CRY1: variants seen among roughly 807,000 people sequenced by gnomAD.
CRY1 encodes cryptochrome-1.
Under a neutral mutation model 76.0 loss-of-function variants are expected in CRY1, and 45 were observed. The ratio of observed to expected loss-of-function variants is 0.59; its 90% CI spans 0.47 to 0.76. The LOEUF (loss-of-function observed/expected upper bound fraction) is 0.76. Ranked by LOEUF, CRY1 falls within the 30% of genes least tolerant of loss-of-function variation. The pLI is 0.00. For missense variants in CRY1, 587 were observed against 716.4 expected, an observed-to-expected ratio of 0.82 and a Z score of 2.06; for synonymous variants, 248 against 244.0, an observed-to-expected ratio of 1.02 and a Z score of -0.15.
chr12:107,059,892 T>C (rs1953027898), intron 1 of CRY1, among the ~76,000 whole-genome samples: 2 of 152,332 alleles, frequency 1.3e-5, no homozygotes, highest in South Asian at 4.1e-4. Context: ...TTATGTGATC[T>C]CAGTGTAATT....
intron 1 of CRY1, among the ~76,000 whole-genome samples, chr12:107,079,730 A>AC (rs1953300240): frequency 6.6e-6 from 1 of 152,084 alleles, no homozygotes; most frequent in South Asian, 2.1e-4. Flanking sequence ...TCCACTTTAC[A>AC]CTTCAAGTTT....
intron 2 of CRY1, among the ~76,000 whole-genome samples, chr12:107,013,188 A>C (rs2136835777): frequency 6.6e-6 from 1 of 152,334 alleles, no homozygotes; most frequent in East Asian, 1.9e-4. Context: ...TCTTTGGTGA[A>C]AGGAAGAGTC....
intron 1 of CRY1, among the ~76,000 whole-genome samples, chr12:107,062,025 C>CAAAAAAAAAAAAAAAAAAAAAAAA (rs35683352): frequency 3.2e-5 from 3 of 93,544 alleles, no homozygotes; most frequent in South Asian, 3.5e-4. Flanking sequence ...GACCCTGTCT[C>CAAAAAAAAAAAAAAAAAAAAAAAA]AAAAAAAAAA....
At chr12:107,047,261 T>G (rs1952859871) in intron 1 of CRY1, among the ~76,000 whole-genome samples, 1 of 152,196 alleles carries the variant, frequency 6.6e-6, no homozygotes, top group Non-Finnish European at 1.5e-5. Context: ...AAGAACCCAC[T>G]TCTGAATGAC....
At chr12:107,006,292 A>G (rs192437953) in intron 2 of CRY1, among the ~76,000 whole-genome samples, 1 of 152,156 alleles carries the variant, frequency 6.6e-6, no homozygotes, top group East Asian at 1.9e-4. Flanking sequence ...AGGCTGAGGA[A>G]GTAGAATCAC....
intron 1 of CRY1, among the ~76,000 whole-genome samples, chr12:107,069,641 TAA>T (rs1293546527): frequency 1.5e-5 from 2 of 136,288 alleles, no homozygotes; most frequent in African/African-American, 2.7e-5. Context: ...AGTATATATA[TAA>T]AAAGTATATA....
chr12:107,074,365 A>G (rs1953224859), intron 1 of CRY1, among the ~76,000 whole-genome samples: 1 of 152,176 alleles, frequency 6.6e-6, no homozygotes, highest in Non-Finnish European at 1.5e-5. Flanking sequence ...GGCCTACATC[A>G]CTTAAAACAA....
At position 107,009,563 on chromosome 12, in the gene CRY1, CATATATATATATATATATATATATAT is replaced by C. The variant is rs869185018; in HGVS notation, c.268-4341_268-4316del. ...CAGAAAAAACAAAAAAACAAAAAAA[CATATATATATATATATATATATATAT>C]ATATATATATATAAAATCTCTATAT... On this transcript the variant is annotated intron_variant, in intron 2 of 12. Transcript: ENST00000008527. Among the ~76,000 whole-genome samples, 60 of 90,968 alleles carry C rather than the reference CATATATATATATATATATATATATAT, an allele frequency of 6.6e-4. 4 individuals carry two copies. Among genetic ancestry groups the C allele is most frequent in the Non-Finnish European group, 9.3e-4 (45 of 48,266 alleles). The allele number at this position is 90,968 out of a possible 152,430, so 59.7% of individuals were successfully genotyped here.
At chr12:107,056,316 TA>T (rs1952981468) in intron 1 of CRY1, among the ~76,000 whole-genome samples, 1 of 152,144 alleles carries the variant, frequency 6.6e-6, no homozygotes, top group South Asian at 2.1e-4. Flanking sequence ...AAAATATAAA[TA>T]AAAAGTAAAG....
chr12:107,001,888 G>C lies in CRY1; in HGVS notation c.471C>G (p.Ile157Met). ...GTATCTCTAGTGGTTCCATTTTGCTGATGAGAGTCTGGAATCTTTTATAAG... is the reference window on the plus strand; with the variant it reads ...GTATCTCTAGTGGTTCCATTTTGCTCATGAGAGTCTGGAATCTTTTATAAG... ...PLTYKRFQTL[I>M]SKMEPLEIPV... Residue 157 changes from isoleucine (I) to methionine (M), a missense_variant, in exon 4 of 13, where the codon ATC becomes ATG. Ile to Met is a conservative substitution (Grantham distance 10). Coordinates refer to ENST00000008527, the MANE Select transcript of CRY1 (RefSeq NM_004075.5). The C allele has an allele frequency of 6.2e-7, 1 of 1,601,766 alleles. No individual in the cohort carries two copies. The highest frequency in any genetic ancestry group is 1.3e-5 in the African/African-American group (1 of 74,138).
intron 1 of CRY1, among the ~76,000 whole-genome samples, chr12:107,088,156 T>C (rs1054510290): frequency 6.6e-6 from 1 of 152,218 alleles, no homozygotes; most frequent in Non-Finnish European, 1.5e-5. Flanking sequence ...TTATCCCCAA[T>C]GTTGGAGGTG....
chr12:107,064,099 T>C (rs1353840733), intron 1 of CRY1, among the ~76,000 whole-genome samples: 1 of 152,198 alleles, frequency 6.6e-6, no homozygotes, highest in African/African-American at 2.4e-5. Flanking sequence ...TCTGTAATTA[T>C]AGAAATATTC....
chr12:107,037,108 A>G (rs1952742431), intron 1 of CRY1, among the ~76,000 whole-genome samples: 1 of 152,218 alleles, frequency 6.6e-6, no homozygotes, highest in South Asian at 2.1e-4. Flanking sequence ...ATGTGAGCAG[A>G]AAGACACCTA....
At chr12:107,048,389 G>T (rs1427604548) in intron 1 of CRY1, among the ~76,000 whole-genome samples, 1 of 152,034 alleles carries the variant, frequency 6.6e-6, no homozygotes, top group African/African-American at 2.4e-5. Context: ...CATTCATTCA[G>T]ATTTATCCAC....
At chr12:107,010,334 T>C (rs1051622417) in intron 2 of CRY1, among the ~76,000 whole-genome samples, 4 of 152,192 alleles carry the variant, frequency 2.6e-5, no homozygotes, top group African/African-American at 9.7e-5. Flanking sequence ...CGTTTTTGGC[T>C]TTGTTGACTA....
At chr12:107,044,763 A>C (rs1201015914) in intron 1 of CRY1, among the ~76,000 whole-genome samples, 1 of 152,214 alleles carries the variant, frequency 6.6e-6, no homozygotes, top group Admixed American at 6.5e-5. Context: ...TCAGCAGCAC[A>C]CTTTGATCAA....
chr12:107,035,536 GA>G (rs1248124955), intron 1 of CRY1, among the ~76,000 whole-genome samples: 1 of 152,150 alleles, frequency 6.6e-6, no homozygotes, highest in African/African-American at 2.4e-5. Flanking sequence ...ATAACCCTTT[GA>G]TATAGGTACT....
intron 2 of CRY1, among the ~76,000 whole-genome samples, chr12:107,007,184 A>T (rs1952385318): frequency 6.6e-6 from 1 of 152,214 alleles, no homozygotes; most frequent in Admixed American, 6.5e-5. Flanking sequence ...GAGAATAGAA[A>T]AGCATTCTAT....
chr12:107,055,450 T>A (rs1952971438), intron 1 of CRY1, among the ~76,000 whole-genome samples: 1 of 151,792 alleles, frequency 6.6e-6, no homozygotes, highest in African/African-American at 2.4e-5. Flanking sequence ...TTGTATCAGA[T>A]AAAAAGGAAA....
Sources: gnomAD v4.1 joint callset for allele counts (sites outside exome capture counted in the v4.1 genomes callset) on GRCh38, gnomAD v4.1.1 for gene constraint, MANE v1.5 for transcripts, NCBI Gene and HGNC (gene_info 2026-07-23, HGNC 2026-07-21) for gene names.